TENM3: variants seen among roughly 807,000 people sequenced by gnomAD.
The protein encoded by TENM3 is teneurin transmembrane protein 3.
Under a neutral mutation model 255.1 loss-of-function variants are expected in TENM3, and 63 were observed. The ratio of observed to expected loss-of-function variants is 0.25; its 90% CI spans 0.20 to 0.30. TENM3 has a LOEUF of 0.30. Ranked by LOEUF, TENM3 falls within the 10% of genes least tolerant of loss-of-function variation. The pLI, the probability that TENM3 is intolerant of heterozygous loss-of-function variation, is 1.00. For missense variants in TENM3, 2,929 were observed against 3,461.1 expected, an observed-to-expected ratio of 0.85 and a Z score of 3.86; for synonymous variants, 1,306 against 1,322.3, an observed-to-expected ratio of 0.99 and a Z score of 0.27.
In TENM3 at chr4:182,800,280, C is replaced by A. The variant is rs1766846369; in HGVS notation, c.8029C>A (p.Gln2677Lys). The A allele has an allele frequency of 1.3e-6, 2 of 1,577,242 alleles. No individual in the cohort carries two copies. Among genetic ancestry groups the A allele is most frequent in the Non-Finnish European group, 1.7e-6 (2 of 1,170,784 alleles). ...YDGYYVLSVE[Q>K]YPELADSANN... ...CGGGTACTACGTACTCTCGGTGGAG[C>A]AGTACCCCGAGCTGGCCGACAGCGC... The change falls in exon 28 of 28, where the codon CAG becomes AAG. Residue 2677 changes from glutamine to lysine, a missense_variant. Gln to Lys is a moderately conservative substitution (Grantham distance 53, BLOSUM62 1). Coordinates refer to ENST00000511685, the MANE Select transcript of TENM3 (RefSeq NM_001080477.4).
At chr4:182,427,884 G>A (rs1463739571) in intron 3 of TENM3, among the ~76,000 whole-genome samples, 1 of 151,506 alleles carries the variant, frequency 6.6e-6, no homozygotes, top group Non-Finnish European at 1.5e-5. Flanking sequence ...TCCATTACTC[G>A]CAGCTGTGTA....
chr4:182,044,613 T>A, the TENM3 span, among the ~76,000 whole-genome samples: 1 of 152,372 alleles, frequency 6.6e-6, no homozygotes, highest in Non-Finnish European at 1.5e-5. Context: ...ATGTAAAATG[T>A]TATGTGGTCT....
At chr4:181,467,920 TA>T in the TENM3 span, among the ~76,000 whole-genome samples, 17 of 152,234 alleles carry the variant, frequency 1.1e-4, no homozygotes, top group East Asian at 3.3e-3. Flanking sequence ...TTTTCCAGAA[TA>T]AAAAATTTTA....
the TENM3 span, among the ~76,000 whole-genome samples, chr4:181,959,268 G>T: frequency 6.6e-6 from 1 of 152,140 alleles, no homozygotes; most frequent in Admixed American, 6.5e-5. Context: ...CCTAGCTCTT[G>T]TCATACTTTG....
the TENM3 span, among the ~76,000 whole-genome samples, chr4:181,703,424 C>T: frequency 2.0e-5 from 3 of 152,154 alleles, no homozygotes; most frequent in African/African-American, 7.2e-5. Context: ...ATAGTTTTAA[C>T]GTAAATGGTT....
At chr4:182,420,600 T>C (rs1192068053) in intron 3 of TENM3, among the ~76,000 whole-genome samples, 6 of 152,182 alleles carry the variant, frequency 3.9e-5, no homozygotes, top group Non-Finnish European at 7.3e-5. Flanking sequence ...GATAAATCAG[T>C]TGAAAGAGAT....
the TENM3 span, among the ~76,000 whole-genome samples, chr4:181,826,281 A>G: frequency 6.6e-6 from 1 of 152,212 alleles, no homozygotes; most frequent in Non-Finnish European, 1.5e-5. Context: ...CCGGAGAAAA[A>G]GTGGCCACTA....
chr4:182,233,110 C>T (rs1029259984), intron 1 of TENM3, among the ~76,000 whole-genome samples: 2 of 152,168 alleles, frequency 1.3e-5, no homozygotes, highest in African/African-American at 2.4e-5. Context: ...TTCCAGATCA[C>T]CCAGAAGCCG....
the TENM3 span, among the ~76,000 whole-genome samples, chr4:182,092,550 A>G: frequency 6.6e-6 from 1 of 152,128 alleles, no homozygotes; most frequent in Non-Finnish European, 1.5e-5. Flanking sequence ...AGGGAGGCCA[A>G]GGTGGACCTC....
the TENM3 span, among the ~76,000 whole-genome samples, chr4:181,914,555 T>C: frequency 6.6e-6 from 1 of 152,320 alleles, no homozygotes; most frequent in South Asian, 2.1e-4. Flanking sequence ...CCCAGCATTG[T>C]CCACATATGT....
At chr4:182,700,557 G>A (rs779655957) in intron 12 of TENM3, among the ~76,000 whole-genome samples, 14 of 152,162 alleles carry the variant, frequency 9.2e-5, no homozygotes, top group Non-Finnish European at 1.9e-4. Flanking sequence ...TAAGTTCAGT[G>A]ACCCTCTCTT....
the TENM3 span, among the ~76,000 whole-genome samples, chr4:181,908,211 G>A: frequency 1.3e-5 from 2 of 152,082 alleles, no homozygotes; most frequent in African/African-American, 2.4e-5. Flanking sequence ...AAAATTCAAT[G>A]TGCCCATATA....
the TENM3 span, among the ~76,000 whole-genome samples, chr4:181,848,099 T>C: frequency 6.6e-6 from 1 of 152,222 alleles, no homozygotes; most frequent in Non-Finnish European, 1.5e-5. Flanking sequence ...TCTATTCTAG[T>C]GCCAACAGAC....
At chr4:182,249,900 C>T (rs1757886994) in intron 1 of TENM3, among the ~76,000 whole-genome samples, 1 of 151,952 alleles carries the variant, frequency 6.6e-6, no homozygotes, top group South Asian at 2.1e-4. Context: ...GTAGCTGAGA[C>T]TACAAGTATG....
At chr4:181,483,086 GTTC>G in the TENM3 span, among the ~76,000 whole-genome samples, 4 of 152,088 alleles carry the variant, frequency 2.6e-5, no homozygotes, top group African/African-American at 9.7e-5. Context: ...ATAATTCTGA[GTTC>G]TTCTCTGAAA....
Position 182,682,107 on chromosome 4 carries a change from T to G in TENM3, c.2035+93T>G, listed in dbSNP as rs150921005. On this transcript the variant is annotated intron_variant, in intron 11 of 27. Transcript: ENST00000511685. ...TTTAAACCTCCCTTTTTAAACCTAA[T>G]ACAAATTTTAGTAAAGTGATTCTTT... The G allele has an allele frequency of 0.013, 13,010 of 988,640 alleles. 110 individuals are homozygous for G. The highest frequency in any genetic ancestry group is 0.015 in the Non-Finnish European group (9,898 of 660,000). 61.2% of individuals were successfully genotyped at this position (988,640 alleles called of 1,614,324 possible).
chr4:182,505,836 T>C (rs1736759932), intron 3 of TENM3, among the ~76,000 whole-genome samples: 1 of 152,204 alleles, frequency 6.6e-6, no homozygotes, highest in Non-Finnish European at 1.5e-5. Context: ...CATTCCTTTG[T>C]TGACATTGTC....
intron 3 of TENM3, among the ~76,000 whole-genome samples, chr4:182,365,105 C>T (rs59417744): frequency 4.6e-5 from 7 of 152,144 alleles, no homozygotes; most frequent in Admixed American, 3.3e-4. Flanking sequence ...ACAATTGGAC[C>T]GATGAAACGT....
chr4:181,464,746 T>C, the TENM3 span, among the ~76,000 whole-genome samples: 1 of 151,922 alleles, frequency 6.6e-6, no homozygotes. Flanking sequence ...AGGTCAGGAG[T>C]TTGAGACCAG....
Sources: allele counts gnomAD v4.1 joint callset (sites outside exome capture counted in the v4.1 genomes callset), GRCh38; gene constraint gnomAD v4.1.1; transcripts MANE v1.5; gene names NCBI Gene and HGNC (gene_info 2026-07-23, HGNC 2026-07-21).